The following SMCHD1 variants were observed in gnomAD, a reference collection of about 807,000 sequenced individuals.
The protein encoded by SMCHD1 is structural maintenance of chromosomes flexible hinge domain-containing protein 1.
In SMCHD1, 78 loss-of-function variants were observed where a neutral mutation model predicts 254.7. The observed-to-expected ratio is 0.31, with a 90% CI of 0.26 to 0.37. The LOEUF is 0.37. Ranked by LOEUF, SMCHD1 falls within the 10% of genes least tolerant of loss-of-function variation. The pLI is 1.00. For missense variants in SMCHD1, 1,840 were observed against 2,408.1 expected (o/e 0.76, Z 4.94); for synonymous variants, 766 against 794.9 (o/e 0.96, Z 0.61).
chr18:2,771,623 A>T lies in SMCHD1; in HGVS notation c.5052+5A>T. On this transcript the variant is annotated splice_donor_5th_base_variant and intron_variant, in intron 40 of 47. Transcript: ENST00000320876. ...GACATTCCTACAACACAACAGGTAC[A>T]GCTTCCAACTATACGTGAAAGATTT... 1 of 1,527,302 alleles carries T rather than the reference A, an allele frequency of 6.5e-7. No individual in the cohort carries two copies. Among genetic ancestry groups the T allele is most frequent in the Non-Finnish European group, 8.7e-7 (1 of 1,148,322 alleles). 94.6% of individuals were successfully genotyped at this position (1,527,302 alleles called of 1,614,324 possible). A position where few individuals can be genotyped will look rare whatever the true frequency, so the allele number is the denominator to read the frequency against.
Position 2,750,049 on chromosome 18 carries a change from C to A in SMCHD1, c.3934C>A (p.Pro1312Thr). The change falls in exon 31 of 48, where the codon CCT becomes ACT. Residue 1312 changes from proline (P) to threonine (T), a missense_variant. Physicochemically the swap from Pro to Thr is conservative, Grantham distance 38. Around this residue, in one of 9 missense-constraint regions of SMCHD1, gnomAD observed 881 missense variants for 1,009.5 expected, o/e 0.87. Coordinates refer to ENST00000320876, the MANE Select transcript of SMCHD1 (RefSeq NM_015295.3). ...LTKASNLKLM[P>T]SNQQHKTDEK... ...TGTTTTGTTTTGTTTTTAGCTCATG[C>A]CTTCAAACCAACAGCATAAAACAGA... 1 of 1,561,530 alleles carries A rather than the reference C, an allele frequency of 6.4e-7. No homozygotes were observed.
rs539941764 is a variant in SMCHD1 at position 2,751,236 on chromosome 18, T to C, written c.4166-42T>C. On this transcript the variant is annotated intron_variant, in intron 32 of 47. Transcript: ENST00000320876. ...ACAATTATTTAACCATATCCATTAA[T>C]TGAACTAGAAAGAGATAATTTTTTA... The C allele has an allele frequency of 4.5e-6, 5 of 1,111,536 alleles. No individual in the cohort carries two copies. In the South Asian group the frequency reaches 6.9e-5, roughly 15 times the overall value. 68.9% of individuals were successfully genotyped at this position (1,111,536 alleles called of 1,614,324 possible).
intron 30 of SMCHD1, among the ~76,000 whole-genome samples, chr18:2,748,436 C>T (rs1188305098): frequency 1.6e-5 from 2 of 125,828 alleles, no homozygotes; most frequent in Admixed American, 8.7e-5. Flanking sequence ...TGCAACGCCC[C>T]AGGCTGGAGT....
At chr18:2,744,575 G>C (rs2075412770) in intron 29 of SMCHD1, among the ~76,000 whole-genome samples, 1 of 151,804 alleles carries the variant, frequency 6.6e-6, no homozygotes, top group Non-Finnish European at 1.5e-5. Flanking sequence ...ACTTTTTTTT[G>C]TGGTGAAAAC....
At chr18:2,709,691 G>T (rs935443130) in intron 17 of SMCHD1, among the ~76,000 whole-genome samples, 7 of 152,232 alleles carry the variant, frequency 4.6e-5, no homozygotes, top group African/African-American at 1.4e-4. Context: ...CTTTTTATGG[G>T]CTAATTGCCA....
At chr18:2,703,626 C>T in intron 12 of SMCHD1, 66 bp from the exon 13 acceptor site, 1 of 1,311,888 alleles carries the variant, frequency 7.6e-7, no homozygotes, top group Non-Finnish European at 1.1e-6. Flanking sequence ...AAATGAATGA[C>T]AAATGTTTAT....
intron 1 of SMCHD1, among the ~76,000 whole-genome samples, chr18:2,658,883 T>C (rs2073158623): frequency 6.7e-6 from 1 of 149,266 alleles, no homozygotes. Context: ...CATACACACA[T>C]ATATACACAT....
Position 2,657,611 on chromosome 18 carries a change from G to T in SMCHD1, c.186+1350G>T, listed in dbSNP as rs575526331. 4.6e-5 allele frequency among the ~76,000 whole-genome samples: 7 copies of T among 152,116 alleles called. No individual in the cohort carries two copies. The East Asian group carries it at 9.7e-4, about 21-fold the overall frequency. On this transcript the variant is annotated intron_variant, in intron 1 of 47. Transcript: ENST00000320876. ...TATATGACTACTCTTAGCACCTGAGGTTATGTCTTTTCAGCCTTCCTCCTC... is the reference window on the plus strand; with the variant it reads ...TATATGACTACTCTTAGCACCTGAGTTTATGTCTTTTCAGCCTTCCTCCTC...
At chr18:2,743,065 A>C (rs1175600612) in intron 28 of SMCHD1, among the ~76,000 whole-genome samples, 1 of 152,232 alleles carries the variant, frequency 6.6e-6, no homozygotes, top group Non-Finnish European at 1.5e-5. Flanking sequence ...CAGAAATTTA[A>C]GATGAATAAA....
At chr18:2,699,913 T>G (rs1248304098) in intron 10 of SMCHD1, among the ~76,000 whole-genome samples, 1 of 152,202 alleles carries the variant, frequency 6.6e-6, no homozygotes, top group Non-Finnish European at 1.5e-5. Flanking sequence ...ATCACATTGT[T>G]TAATCCTAAT....
chr18:2,788,861 G>T (rs908745403), intron 45 of SMCHD1, among the ~76,000 whole-genome samples: 1 of 152,130 alleles, frequency 6.6e-6, no homozygotes, highest in Non-Finnish European at 1.5e-5. Flanking sequence ...GCCTCCCAAA[G>T]TGCTAGGATT....
intron 47 of SMCHD1, chr18:2,801,067 GAGAT>G (rs758956069): frequency 1.6e-4 from 24 of 152,130 alleles, no homozygotes; most frequent in Non-Finnish European, 3.1e-4. Flanking sequence ...AATACAAAAA[GAGAT>G]AGAAGACATA....
chr18:2,681,081 C>T (rs1317903807), intron 5 of SMCHD1, among the ~76,000 whole-genome samples: 1 of 152,044 alleles, frequency 6.6e-6, no homozygotes, highest in Non-Finnish European at 1.5e-5. Flanking sequence ...GCTTATGCAA[C>T]ATGAGAACCC....
chr18:2,776,213 A>AT (rs2076063749), intron 42 of SMCHD1, among the ~76,000 whole-genome samples: 1 of 152,102 alleles, frequency 6.6e-6, no homozygotes, highest in African/African-American at 2.4e-5. Context: ...CAAAGACATA[A>AT]TATTTTTTTT....
intron 37 of SMCHD1, among the ~76,000 whole-genome samples, chr18:2,769,328 T>C (rs942340800): frequency 2.6e-5 from 4 of 152,210 alleles, no homozygotes; most frequent in African/African-American, 9.6e-5. Context: ...ATCAGCTCTT[T>C]CATGCTGCTT....
intron 17 of SMCHD1, among the ~76,000 whole-genome samples, chr18:2,717,434 T>C (rs1360077549): frequency 1.3e-5 from 2 of 152,156 alleles, no homozygotes; most frequent in Non-Finnish European, 2.9e-5. Flanking sequence ...CCTCCTGGGC[T>C]CAAGTAGTCC....
intron 8 of SMCHD1, among the ~76,000 whole-genome samples, chr18:2,696,408 C>T (rs986590762): frequency 1.3e-5 from 2 of 152,156 alleles, no homozygotes; most frequent in East Asian, 3.9e-4. Flanking sequence ...CATAGGAGCA[C>T]GAACCCTAAT....
intron 5 of SMCHD1, among the ~76,000 whole-genome samples, chr18:2,680,564 T>G (rs2073902202): frequency 1.3e-5 from 2 of 152,198 alleles, no homozygotes. Context: ...TACTTTAACT[T>G]CTTGCTTGTA....
At chr18:2,711,627 C>T (rs11080981) in intron 17 of SMCHD1, among the ~76,000 whole-genome samples, 43,909 of 149,446 alleles carry the variant, frequency 0.29, 6,679 homozygotes, top group East Asian at 0.49. Flanking sequence ...GGACTACAGG[C>T]GCCCGCCACT....
Sources: allele counts gnomAD v4.1 joint callset (sites outside exome capture counted in the v4.1 genomes callset), GRCh38; gene constraint gnomAD v4.1.1; regional missense constraint gnomAD v4.1.1; transcripts MANE v1.5; gene names NCBI Gene and HGNC (gene_info 2026-07-23, HGNC 2026-07-21).